TMEM117: variants seen among roughly 807,000 people sequenced by gnomAD.
TMEM117 encodes transmembrane protein 117.
Under a neutral mutation model 52.4 loss-of-function variants are expected in TMEM117, and 27 were observed. The observed-to-expected ratio is 0.51, with a 90% CI of 0.38 to 0.71. The LOEUF is 0.71. Among genes scored for constraint, TMEM117 ranks in the 30% least tolerant of loss-of-function variants. TMEM117 has a pLI of 0.00. For missense variants in TMEM117, 556 were observed against 630.5 expected, an observed-to-expected ratio of 0.88 and a Z score of 1.26; for synonymous variants, 215 against 206.3, an observed-to-expected ratio of 1.04 and a Z score of -0.36.
chr12:43,886,680 A>T (rs1045547686), intron 2 of TMEM117, among the ~76,000 whole-genome samples: 1 of 152,056 alleles, frequency 6.6e-6, no homozygotes, highest in African/African-American at 2.4e-5. Flanking sequence ...GGTTTGCTAC[A>T]TAGGTAAATG....
chr12:43,857,639 T>A (rs1958456018), intron 2 of TMEM117, among the ~76,000 whole-genome samples: 1 of 152,116 alleles, frequency 6.6e-6, no homozygotes, highest in Non-Finnish European at 1.5e-5. Context: ...TTGATAGAGG[T>A]CTTAGTTTGC....
chr12:43,885,210 G>T (rs955244423), intron 2 of TMEM117, among the ~76,000 whole-genome samples: 3 of 152,120 alleles, frequency 2.0e-5, no homozygotes, highest in Non-Finnish European at 2.9e-5. Context: ...CTCTTTTGGT[G>T]TGAACAATTC....
intron 3 of TMEM117, among the ~76,000 whole-genome samples, chr12:43,974,223 T>C (rs17093973): frequency 0.11 from 17,060 of 152,156 alleles, 1,681 homozygotes; most frequent in African/African-American, 0.27. Context: ...TGGCACGTTA[T>C]TGTTTTTTCT....
intron 5 of TMEM117, among the ~76,000 whole-genome samples, chr12:44,219,735 C>G (rs1287746016): frequency 2.6e-5 from 4 of 152,082 alleles, no homozygotes; most frequent in Non-Finnish European, 5.9e-5. Context: ...TAATAAGATA[C>G]TACACATTAT....
intron 6 of TMEM117, among the ~76,000 whole-genome samples, chr12:44,309,605 A>G (rs1208246503): frequency 6.6e-6 from 1 of 152,154 alleles, no homozygotes; most frequent in Admixed American, 6.5e-5. Flanking sequence ...TGAGCACTTA[A>G]TATGTACTGG....
intron 2 of TMEM117, among the ~76,000 whole-genome samples, chr12:43,934,316 G>C (rs1565757733): frequency 6.6e-6 from 1 of 151,978 alleles, no homozygotes; most frequent in Non-Finnish European, 1.5e-5. Context: ...GTTTTTTCAT[G>C]TTGAGCAATA....
At chr12:43,886,610 C>A (rs181262838) in intron 2 of TMEM117, among the ~76,000 whole-genome samples, 2 of 151,868 alleles carry the variant, frequency 1.3e-5, no homozygotes, top group African/African-American at 4.8e-5. Flanking sequence ...TTTTTTCTGG[C>A]GAGGTAGCCA....
intron 3 of TMEM117, among the ~76,000 whole-genome samples, chr12:44,118,606 A>C (rs1006600412): frequency 6.6e-6 from 1 of 152,206 alleles, no homozygotes; most frequent in East Asian, 1.9e-4. Flanking sequence ...ATGTCATGTT[A>C]TTGGCTTATC....
At chr12:44,143,736 G>A (rs1290825202) in intron 4 of TMEM117, 112 bp downstream of exon 4, 1 of 695,804 alleles carries the variant, frequency 1.4e-6, no homozygotes, top group East Asian at 2.8e-5. Flanking sequence ...CTCTCTTTGA[G>A]TGAAACAAAT....
chr12:43,859,565 C>T (rs74370393), intron 2 of TMEM117, among the ~76,000 whole-genome samples: 2,082 of 147,456 alleles, frequency 0.014, 35 homozygotes, highest in African/African-American at 0.048. Flanking sequence ...AAAAAGATGA[C>T]GAGATCAAAA....
At chr12:44,226,446 G>C (rs1020799929) in intron 5 of TMEM117, among the ~76,000 whole-genome samples, 2 of 151,990 alleles carry the variant, frequency 1.3e-5, no homozygotes, top group African/African-American at 4.8e-5. Context: ...CTATCCTGAA[G>C]TAGGGAGAGT....
intron 2 of TMEM117, among the ~76,000 whole-genome samples, chr12:43,929,676 A>G (rs1944840683): frequency 6.6e-6 from 1 of 152,190 alleles, no homozygotes; most frequent in South Asian, 2.1e-4. Flanking sequence ...ATCCTTCCAT[A>G]CATTCACACA....
chr12:43,926,686 A>G (rs1467411782), intron 2 of TMEM117, among the ~76,000 whole-genome samples: 1 of 152,162 alleles, frequency 6.6e-6, no homozygotes, highest in Non-Finnish European at 1.5e-5. Flanking sequence ...ATTTTTTAGT[A>G]ATAGAATAAC....
At chr12:44,171,004 A>C (rs1191077865) in intron 4 of TMEM117, among the ~76,000 whole-genome samples, 2 of 150,558 alleles carry the variant, frequency 1.3e-5, no homozygotes, top group African/African-American at 4.9e-5. Flanking sequence ...TCTCTTTATT[A>C]ACAAATATCT....
the TMEM117 span, among the ~76,000 whole-genome samples, chr12:43,823,481 T>C: frequency 6.6e-6 from 1 of 152,004 alleles, no homozygotes; most frequent in African/African-American, 2.4e-5. Context: ...GAGAACAAAT[T>C]TGTGTGAGTG....
chr12:44,065,237 G>A (rs995849912), intron 3 of TMEM117, among the ~76,000 whole-genome samples: 2 of 151,970 alleles, frequency 1.3e-5, no homozygotes, highest in Non-Finnish European at 2.9e-5. Context: ...AAATTTGCCG[G>A]GAGTTGTGAT....
chr12:44,106,088 G>A (rs1947948634), intron 3 of TMEM117, among the ~76,000 whole-genome samples: 1 of 151,980 alleles, frequency 6.6e-6, no homozygotes, highest in Non-Finnish European at 1.5e-5. Context: ...CTACTTAAGG[G>A]TTTCTTCTAA....
chr12:44,172,881 C>A (rs1184016106), intron 4 of TMEM117, among the ~76,000 whole-genome samples: 1 of 152,088 alleles, frequency 6.6e-6, no homozygotes, highest in Non-Finnish European at 1.5e-5. Flanking sequence ...CATGCCACCA[C>A]GCCCGGCTAA....
At chr12:44,165,551 G>A (rs1948954836) in intron 4 of TMEM117, among the ~76,000 whole-genome samples, 1 of 152,080 alleles carries the variant, frequency 6.6e-6, no homozygotes, top group African/African-American at 2.4e-5. Flanking sequence ...CCACACAAAT[G>A]AAAACTAAAC....
Sources: allele counts gnomAD v4.1 joint callset (sites outside exome capture counted in the v4.1 genomes callset), GRCh38; gene constraint gnomAD v4.1.1; transcripts MANE v1.5; gene names NCBI Gene and HGNC (gene_info 2026-07-23, HGNC 2026-07-21).